The following CREBRF variants were observed in gnomAD, a reference collection of about 807,000 sequenced individuals.
The protein encoded by CREBRF is CREB3 regulatory factor.
In CREBRF, 5 loss-of-function variants were observed where a neutral mutation model predicts 66.1. The observed-to-expected ratio is 0.08, with a 90% CI of 0.04 to 0.16. CREBRF has a LOEUF of 0.16. CREBRF is among the 10% of genes least tolerant of loss of function. CREBRF has a pLI of 1.00. For synonymous variants in CREBRF, 229 were observed against 264.4 expected (o/e 0.87, Z 1.30); for missense variants, 531 against 744.9 (o/e 0.71, Z 3.34).
At chr5:173,088,881 T>G (rs978999659) in intron 3 of CREBRF, among the ~76,000 whole-genome samples, 1 of 151,978 alleles carries the variant, frequency 6.6e-6, no homozygotes, top group African/African-American at 2.4e-5. Context: ...GTAAAGCTGT[T>G]AAAACATACA....
rs70984937 is a variant in CREBRF, at chr5:173,082,908, C to CAAAAAAAAAAA, written c.9+2152_9+2162dup. 7.6e-4 allele frequency among the ~76,000 whole-genome samples: 22 copies of CAAAAAAAAAAA among 29,016 alleles called. 3 individuals carry two copies. Among genetic ancestry groups the CAAAAAAAAAAA allele is most frequent in the East Asian group, 5.2e-3 (2 of 386 alleles). The allele number at this position is 29,016 out of a possible 152,430, so 19.0% of individuals were successfully genotyped here. A position where few individuals can be genotyped will look rare whatever the true frequency, so the allele number is the denominator to read the frequency against. ...TGAGCGACGGAGCGAGACTCTGTCT[C>CAAAAAAAAAAA]AAAAAAAAAAAAAAAAAAAAAAAAA... is the stretch of plus-strand genomic sequence containing the variant. On this transcript the variant is annotated intron_variant, in intron 2 of 8. Transcript: ENST00000296953.
At chr5:173,067,955 G>A (rs1239246141) in intron 1 of CREBRF, among the ~76,000 whole-genome samples, 1 of 151,770 alleles carries the variant, frequency 6.6e-6, no homozygotes, top group Admixed American at 6.6e-5. Context: ...AGCCAAGATC[G>A]CTCCACTGCA....
At chr5:173,089,549 C>T (rs1181612950) in intron 3 of CREBRF, among the ~76,000 whole-genome samples, 1 of 151,452 alleles carries the variant, frequency 6.6e-6, no homozygotes, top group Non-Finnish European at 1.5e-5. Context: ...TTGACATCTC[C>T]AGTGGCACAT....
chr5:173,100,128 A>ATATATAATTTTTTTTTTTTTTTTTTTTT (rs1758588683), intron 4 of CREBRF, among the ~76,000 whole-genome samples: 1 of 109,650 alleles, frequency 9.1e-6, no homozygotes, highest in African/African-American at 3.3e-5. Context: ...GTATATATAT[A>ATATATAATTTTTTTTTTTTTTTTTTTTT]TAATTTTTTT....
At chr5:173,077,125 A>T (rs1032581283) in intron 1 of CREBRF, among the ~76,000 whole-genome samples, 4 of 151,554 alleles carry the variant, frequency 2.6e-5, no homozygotes, top group Admixed American at 6.6e-5. Flanking sequence ...TTGTATTTTT[A>T]GTAGAGACGG....
At chr5:173,057,957 G>A (rs1317486289) in intron 1 of CREBRF, among the ~76,000 whole-genome samples, 1 of 151,876 alleles carries the variant, frequency 6.6e-6, no homozygotes, top group Admixed American at 6.6e-5. Context: ...CCCACAGGAA[G>A]TTATTTAGTT....
intron 2 of CREBRF, among the ~76,000 whole-genome samples, chr5:173,083,753 T>C (rs1235271265): frequency 6.6e-6 from 1 of 152,250 alleles, no homozygotes; most frequent in Non-Finnish European, 1.5e-5. Flanking sequence ...AGAAATGTTA[T>C]ACAGCTAAGT....
At chr5:173,098,878 CTT>C (rs543027649) in intron 4 of CREBRF, among the ~76,000 whole-genome samples, 12 of 136,774 alleles carry the variant, frequency 8.8e-5, no homozygotes, top group Non-Finnish European at 1.3e-4. Context: ...TATTTTTTTA[CTT>C]TTTTTTTTTT....
At position 173,110,531 on chromosome 5, in the gene CREBRF, C is replaced by T; in HGVS notation, c.1427C>T (p.Ala476Val). 2.5e-6 allele frequency: 4 copies of T among 1,609,972 alleles called. No individual in the cohort carries two copies. Among genetic ancestry groups the T allele is most frequent in the South Asian group, 1.1e-5 (1 of 90,990 alleles). Residue 476 changes from alanine (A) to valine (V), a missense_variant, in exon 6 of 9, where the codon GCA (alanine) becomes GTA (valine). By Grantham distance (64) the Ala-to-Val change is moderately conservative. Transcript: ENST00000296953. ...TTTAAACTGTTTATAGGAAAATATG[C>T]AGTAAAGAAGTCACGGAGAACTGAT... ...QKNGLHHGKY[A>V]VKKSRRTDVE...
chr5:173,059,351 G>C (rs920424901), intron 1 of CREBRF, among the ~76,000 whole-genome samples: 14 of 136,516 alleles, frequency 1.0e-4, no homozygotes, highest in Non-Finnish European at 1.7e-4. Context: ...TGCAATCTCC[G>C]CCTCCCGGGT....
intron 1 of CREBRF, chr5:173,060,432 A>C (rs1208560616): frequency 1.3e-5 from 2 of 151,910 alleles, no homozygotes; most frequent in African/African-American, 4.8e-5. Context: ...GGTTTCACCA[A>C]GTTGGCCAGG....
intron 3 of CREBRF, among the ~76,000 whole-genome samples, chr5:173,089,282 G>A (rs1036886455): frequency 4.0e-5 from 6 of 149,844 alleles, no homozygotes; most frequent in African/African-American, 9.9e-5. Context: ...GACTCAAAAC[G>A]TCCTCATTTT....
chr5:173,085,817 A>C, intron 2 of CREBRF: 1 of 780,732 alleles, frequency 1.3e-6, no homozygotes, highest in South Asian at 1.3e-5. Flanking sequence ...CTCTGGAGTG[A>C]TAGGCTTCTG....
intron 5 of CREBRF, chr5:173,110,224 A>G (rs1758840838): frequency 2.4e-6 from 1 of 420,314 alleles, no homozygotes. Flanking sequence ...GATGCTTAGT[A>G]TGCCATGCAA....
chr5:173,131,985 C>T (rs1030703398), intron 8 of CREBRF, among the ~76,000 whole-genome samples: 2 of 151,366 alleles, frequency 1.3e-5, no homozygotes, highest in African/African-American at 4.9e-5. Flanking sequence ...CCACTTCGGC[C>T]TCCTAAAGTG....
Position 173,113,814 on chromosome 5 carries a change from C to A in CREBRF, c.1681+1435C>A, listed in dbSNP as rs192275335. ...GATAATTATCTTACACATCTAGAAC[C>A]CTTTTACAGCACTTCAGGGGTATGG... is the stretch of plus-strand genomic sequence containing the variant. On this transcript the variant is annotated intron_variant, in intron 7 of 8. Transcript: ENST00000296953. Among the ~76,000 whole-genome samples, 15 of 152,202 alleles carry A rather than the reference C, an allele frequency of 9.9e-5. No individual in the cohort carries two copies. In the East Asian group the frequency reaches 2.9e-3, roughly 29 times the overall value.
Position 173,131,695 on chromosome 5 carries a change from TACACACACACACAC to T in CREBRF, c.1805-1912_1805-1899del, listed in dbSNP as rs67580803. On this transcript the variant is annotated intron_variant, in intron 8 of 8. Coordinates refer to ENST00000296953, the MANE Select transcript of CREBRF (RefSeq NM_153607.3). The stretch of plus-strand genomic sequence containing the variant: ...ACATGGTTAAGCTTGTATATATGTA[TACACACACACACAC>T]ACACACACACACACACACACACTTT... 9.0e-3 allele frequency among the ~76,000 whole-genome samples: 1,337 copies of T among 149,038 alleles called. 26 individuals carry two copies. Among genetic ancestry groups the T allele is most frequent in the African/African-American group, 0.031 (1,257 of 40,470 alleles).
In CREBRF at chr5:173,085,716, C is replaced by T. The variant is rs969168570; in HGVS notation, c.10-785C>T. On this transcript the variant is annotated intron_variant, in intron 2 of 8. Transcript: ENST00000296953. ...ACAGGCGTGAGCCACCGCACCCGGC[C>T]ATCAGATACATTCTTTAGGCCTTTC... 4 of 752,216 alleles carry T rather than the reference C, an allele frequency of 5.3e-6. No homozygotes were observed. The African/African-American group carries it at 6.9e-5, about 13-fold the overall frequency. The allele number at this position is 752,216 out of a possible 1,614,324, so 46.6% of individuals were successfully genotyped here.
intron 1 of CREBRF, among the ~76,000 whole-genome samples, chr5:173,065,438 C>A (rs1364002905): frequency 2.0e-5 from 3 of 152,156 alleles, no homozygotes; most frequent in Non-Finnish European, 4.4e-5. Context: ...GGTCTCCAGT[C>A]TCTTTTCCCT....
Sources: allele counts gnomAD v4.1 joint callset (sites outside exome capture counted in the v4.1 genomes callset), GRCh38; gene constraint gnomAD v4.1.1; transcripts MANE v1.5; gene names NCBI Gene and HGNC (gene_info 2026-07-23, HGNC 2026-07-21).